RAB38: variants seen among roughly 807,000 people sequenced by gnomAD.
RAB38 encodes ras-related protein Rab-38.
In RAB38, 15 loss-of-function variants were observed where a neutral mutation model predicts 18.4. That is an observed-to-expected ratio of 0.82 (90% confidence interval 0.55 to 1.26). The LOEUF (loss-of-function observed/expected upper bound fraction) is 1.26, where lower values mean the gene tolerates loss of function less well. Ranked by LOEUF, RAB38 falls within the 50% of genes most tolerant of loss-of-function variation. RAB38 has a pLI of 0.00. For missense variants in RAB38, 294 were observed against 267.4 expected (o/e 1.10, Z -0.69); for synonymous variants, 101 against 104.4 (o/e 0.97, Z 0.20).
the RAB38 span, among the ~76,000 whole-genome samples, chr11:87,973,414 G>C: frequency 6.6e-6 from 1 of 152,030 alleles, no homozygotes; most frequent in African/African-American, 2.4e-5. Flanking sequence ...TTGTCTTCAA[G>C]AATCGGACCA....
the RAB38 span, among the ~76,000 whole-genome samples, chr11:87,976,119 AAT>A: frequency 7.3e-6 from 1 of 136,990 alleles, no homozygotes; most frequent in Non-Finnish European, 1.6e-5. Flanking sequence ...TGTGCGTGTA[AAT>A]ATATATATGT....
the RAB38 span, among the ~76,000 whole-genome samples, chr11:87,947,705 G>T: frequency 3.3e-5 from 5 of 152,176 alleles, no homozygotes; most frequent in Non-Finnish European, 7.3e-5. Context: ...TTGTAGATGT[G>T]TGGTATTATT....
the RAB38 span, among the ~76,000 whole-genome samples, chr11:88,078,060 T>C: frequency 1.3e-5 from 2 of 151,924 alleles, no homozygotes; most frequent in African/African-American, 4.8e-5. Context: ...AGTCAACAGG[T>C]ATATTAAAAA....
chr11:88,111,005 G>C (rs1440513690), downstream of RAB38, among the ~76,000 whole-genome samples: 4 of 152,000 alleles, frequency 2.6e-5, no homozygotes, highest in African/African-American at 9.7e-5. Flanking sequence ...AAAAGACAGA[G>C]ACAGTAAGAA....
the RAB38 span, among the ~76,000 whole-genome samples, chr11:87,827,406 G>A: frequency 6.6e-6 from 1 of 151,608 alleles, no homozygotes; most frequent in Admixed American, 6.6e-5. Context: ...AGTACTCTAT[G>A]AACAATAAGA....
the RAB38 span, among the ~76,000 whole-genome samples, chr11:87,912,291 T>G: frequency 6.6e-6 from 1 of 152,006 alleles, no homozygotes; most frequent in Non-Finnish European, 1.5e-5. Flanking sequence ...ATTTTTTCTC[T>G]TTGTTTAGTA....
chr11:88,094,840 C>T, the RAB38 span, among the ~76,000 whole-genome samples: 1 of 151,930 alleles, frequency 6.6e-6, no homozygotes, highest in Non-Finnish European at 1.5e-5. Context: ...TATTTCAACT[C>T]ATCTTCCTAC....
the RAB38 span, among the ~76,000 whole-genome samples, chr11:87,873,912 G>A: frequency 1.8e-5 from 1 of 56,786 alleles, no homozygotes; most frequent in Non-Finnish European, 3.4e-5. Context: ...ATATATATGT[G>A]TGTGTGTGTG....
chr11:87,821,067 T>A, the RAB38 span, among the ~76,000 whole-genome samples: 1 of 152,122 alleles, frequency 6.6e-6, no homozygotes, highest in African/African-American at 2.4e-5. Context: ...AGAAGCAATA[T>A]TGGAATGAGT....
the RAB38 span, among the ~76,000 whole-genome samples, chr11:88,047,373 G>C: frequency 1.3e-5 from 2 of 152,010 alleles, no homozygotes; most frequent in Non-Finnish European, 2.9e-5. Flanking sequence ...TTGGTTTATT[G>C]ATGGCAGTTC....
chr11:88,025,620 T>C, the RAB38 span, among the ~76,000 whole-genome samples: 4 of 152,290 alleles, frequency 2.6e-5, no homozygotes, highest in East Asian at 7.7e-4. Flanking sequence ...ATTTTTCTGA[T>C]AATAAGTGAT....
the RAB38 span, among the ~76,000 whole-genome samples, chr11:87,854,220 G>T: frequency 8.5e-5 from 13 of 152,140 alleles, no homozygotes; most frequent in African/African-American, 2.7e-4. Context: ...CCACCATTCT[G>T]CCTGCCAAAG....
At chr11:87,805,617 A>ACATG in the RAB38 span, among the ~76,000 whole-genome samples, 8,596 of 147,146 alleles carry the variant, frequency 0.058, 301 homozygotes, top group African/African-American at 0.096. Context: ...ACACACACAC[A>ACATG]CACACGCACA....
At chr11:87,899,453 G>C in the RAB38 span, among the ~76,000 whole-genome samples, 1 of 151,628 alleles carries the variant, frequency 6.6e-6, no homozygotes, top group Admixed American at 6.6e-5. Context: ...ACAATGAAAG[G>C]AGAGAGAAGC....
chr11:87,879,568 T>A, the RAB38 span: 1 of 151,690 alleles, frequency 6.6e-6, no homozygotes, highest in Non-Finnish European at 1.5e-5. Flanking sequence ...TGGTTTTTCT[T>A]CCCTAGGAAT....
chr11:88,172,425 A>G lies in RAB38; in HGVS notation c.202+2758T>C, dbSNP rs1324988485. The stretch of plus-strand genomic sequence containing the variant: ...AATTTAGTAGATTAAAAAGGGCCCT[A>G]TTTGGCATTGAACCAAATGAGTATC... On this transcript the variant is annotated intron_variant, in intron 1 of 2. Coordinates refer to ENST00000243662, the MANE Select transcript of RAB38 (RefSeq NM_022337.3). Among the ~76,000 whole-genome samples, 6 of 152,340 alleles carry G rather than the reference A, an allele frequency of 3.9e-5. No individual in the cohort carries two copies. In the East Asian group the frequency reaches 7.7e-4, roughly 20 times the overall value.
At chr11:87,900,827 T>G in the RAB38 span, among the ~76,000 whole-genome samples, 2 of 142,176 alleles carry the variant, frequency 1.4e-5, no homozygotes, top group Admixed American at 7.0e-5. Flanking sequence ...AGGAAAGAAA[T>G]GAAGGAAGGA....
the RAB38 span, among the ~76,000 whole-genome samples, chr11:87,940,325 A>C: frequency 3.3e-5 from 5 of 152,038 alleles, no homozygotes; most frequent in African/African-American, 1.2e-4. Flanking sequence ...TGAGAAAGAC[A>C]CTCATCTCTC....
intron 1 of RAB38, among the ~76,000 whole-genome samples, chr11:88,152,099 G>A (rs1322557595): frequency 6.6e-6 from 1 of 152,116 alleles, no homozygotes; most frequent in Non-Finnish European, 1.5e-5. Flanking sequence ...TGCAAACAGT[G>A]ATCTCCTTTG....
Sources: allele counts gnomAD v4.1 joint callset (sites outside exome capture counted in the v4.1 genomes callset), GRCh38; gene constraint gnomAD v4.1.1; transcripts MANE v1.5; gene names NCBI Gene and HGNC (gene_info 2026-07-23, HGNC 2026-07-21).